MPPED1: variants seen among roughly 807,000 people sequenced by gnomAD.
MPPED1 encodes metallophosphoesterase domain-containing protein 1.
A neutral mutation model predicts 36.2 loss-of-function variants in MPPED1; 16 were observed. The observed-to-expected ratio is 0.44, with a 90% CI of 0.30 to 0.67. MPPED1 has a LOEUF of 0.67. MPPED1 is among the 30% of genes least tolerant of loss of function. MPPED1 has a pLI of 0.10. For synonymous variants in MPPED1, 199 were observed against 191.3 expected, an observed-to-expected ratio of 1.04 and a Z score of -0.33; for missense variants, 307 against 453.4, an observed-to-expected ratio of 0.68 and a Z score of 2.93.
chr22:43,456,775 C>T (rs546637733), intron 3 of MPPED1, among the ~76,000 whole-genome samples: 6 of 152,284 alleles, frequency 3.9e-5, no homozygotes, highest in South Asian at 2.1e-4. Context: ...GGATTACAGG[C>T]GTGAGCCACC....
Position 43,488,228 on chromosome 22 carries a change from T to C in MPPED1, c.633-10007T>C, listed in dbSNP as rs1041981915. On this transcript the variant is annotated intron_variant, in intron 4 of 6. Transcript: ENST00000443721. The stretch of plus-strand genomic sequence containing the variant: ...TCATGCCCCGGCCCGGGTGTGCCTG[T>C]GTGCTCAGCACTTCCCAGGGCCCCC... Among the ~76,000 whole-genome samples the C allele has an allele frequency of 4.6e-5, 7 of 152,096 alleles. No homozygotes were observed. In the South Asian group the frequency reaches 1.4e-3, roughly 32 times the overall value.
At position 43,506,596 on chromosome 22, in the gene MPPED1, A is replaced by G. The variant is rs1460708752; in HGVS notation, c.*980A>G. ...GTGCGGCTTCCCTTGCACCGTTAGG[A>G]TTCTGTCTGGCATGCCTGCAGCCGA... On this transcript the variant is annotated 3_prime_UTR_variant, in exon 7 of 7. Coordinates refer to ENST00000443721, the MANE Select transcript of MPPED1 (RefSeq NM_001044370.2). 2.0e-5 allele frequency: 3 copies of G among 152,156 alleles called. No homozygotes were observed. Among genetic ancestry groups the G allele is most frequent in the African/African-American group, 7.2e-5 (3 of 41,422 alleles). The allele number at this position is 152,156 out of a possible 1,614,324, so 9.4% of individuals were successfully genotyped here.
chr22:43,498,707 C>G (rs1932511155), intron 5 of MPPED1, among the ~76,000 whole-genome samples: 2 of 152,168 alleles, frequency 1.3e-5, no homozygotes, highest in Admixed American at 1.3e-4. Context: ...AGCCCTAACT[C>G]CCTCAGAAAC....
At chr22:43,462,993 C>G (rs1174503564) in intron 3 of MPPED1, among the ~76,000 whole-genome samples, 2 of 152,150 alleles carry the variant, frequency 1.3e-5, no homozygotes, top group African/African-American at 2.4e-5. Flanking sequence ...TTATTCTGTC[C>G]TGTCTTAACT....
At chr22:43,434,903 C>T (rs1929897627) in intron 2 of MPPED1, 131 bp from the exon 3 acceptor site, 6 of 977,892 alleles carry the variant, frequency 6.1e-6, no homozygotes, top group Admixed American at 2.4e-5. Context: ...GCTGGGCGTC[C>T]AGTCCCTGGT....
chr22:43,503,032 C>T (rs1396936827), intron 6 of MPPED1, among the ~76,000 whole-genome samples: 3 of 152,098 alleles, frequency 2.0e-5, no homozygotes, highest in Non-Finnish European at 2.9e-5. Flanking sequence ...CCTGGGAAGC[C>T]GTCGGGAGGT....
At chr22:43,505,374 A>T (rs1932787590) in intron 6 of MPPED1, 124 bp from the exon 7 acceptor site, 1 of 717,570 alleles carries the variant, frequency 1.4e-6, no homozygotes, top group Non-Finnish European at 2.4e-6. Flanking sequence ...TGACCTCGAG[A>T]GTTTACCAGC....
chr22:43,421,414 C>T (rs765419090), intron 1 of MPPED1, among the ~76,000 whole-genome samples: 9 of 152,370 alleles, frequency 5.9e-5, no homozygotes, highest in Non-Finnish European at 1.3e-4. Context: ...CTGCCTTTCC[C>T]GGCTGAGTCC....
Position 43,474,750 on chromosome 22 carries a change from G to A in MPPED1, c.421G>A (p.Glu141Lys). The change falls in exon 4 of 7, where the codon GAG (glutamate) becomes AAG (lysine). Residue 141 changes from glutamate to lysine, a missense_variant. This residue lies in a region of MPPED1 where 169 missense variants were observed against 212.3 expected (regional missense o/e 0.80). Coordinates refer to ENST00000443721, the MANE Select transcript of MPPED1 (RefSeq NM_001044370.2). This position sits in a 1 kb window ranked among gnomAD's most constrained non-coding sequence, Gnocchi z 5.2. The part of the protein sequence containing the change: ...FNEWLGSLPY[E>K]YKIVIAGNHE... ...CACCCCTGCAGGCAGCCTGCCCTAC[G>A]AGTACAAGATCGTGATCGCAGGCAA... is the stretch of plus-strand genomic sequence containing the variant. 6 of 1,613,996 alleles carry A rather than the reference G, an allele frequency of 3.7e-6. No homozygotes were observed. Among genetic ancestry groups the A allele is most frequent in the Non-Finnish European group, 5.1e-6 (6 of 1,179,888 alleles).
In MPPED1 at chr22:43,437,984, A is replaced by C. The variant is rs200617000; in HGVS notation, c.406+2769A>C. Among the ~76,000 whole-genome samples the C allele has an allele frequency of 4.6e-5, 7 of 152,272 alleles. No homozygotes were observed. In the East Asian group the frequency reaches 1.4e-3, roughly 29 times the overall value. On this transcript the variant is annotated intron_variant, in intron 3 of 6. Transcript: ENST00000443721. ...CTCAGCTAGCAACCGCCCTCCCAAC[A>C]GCAGACACAGAGAAAAAGAGACTGG...
chr22:43,500,375 G>GGTGGTGGTGATGGTGATGGAGGTGGTA (rs1932684346), intron 5 of MPPED1, among the ~76,000 whole-genome samples: 2 of 151,276 alleles, frequency 1.3e-5, no homozygotes, highest in Non-Finnish European at 3.0e-5. Flanking sequence ...TGATGGGGGT[G>GGTGGTGGTGATGGTGATGGAGGTGGTA]GTGGTGGTGA....
chr22:43,423,570 TATTTATTTCACCTTCTAGGGAGATG>T (rs1433314366), intron 1 of MPPED1, among the ~76,000 whole-genome samples: 1 of 152,218 alleles, frequency 6.6e-6, no homozygotes, highest in African/African-American at 2.4e-5. Context: ...AGGATATTGC[TATTTATTTCACCTTCTAGGGAGATG>T]ATCAAGATTT....
intron 2 of MPPED1, among the ~76,000 whole-genome samples, chr22:43,431,897 T>A (rs1929700324): frequency 6.6e-6 from 1 of 152,230 alleles, no homozygotes; most frequent in South Asian, 2.1e-4. Context: ...GCCTCTTCGC[T>A]GTGCTCCAGA....
rs560167319 is a variant in MPPED1 at position 43,445,513 on chromosome 22, C to T, written c.406+10298C>T. 5.7e-4 allele frequency among the ~76,000 whole-genome samples: 86 copies of T among 152,004 alleles called. No individual in the cohort carries two copies. The South Asian group carries it at 1.0e-2, about 18-fold the overall frequency. On this transcript the variant is annotated intron_variant, in intron 3 of 6. Transcript: ENST00000443721. ...AACCTGAGGACACACGTACCCTGCC[C>T]CCTCTTGCTGCCATCTTATCTATAT...
chr22:43,465,843 G>A (rs73428338), intron 3 of MPPED1, among the ~76,000 whole-genome samples: 6,644 of 152,258 alleles, frequency 0.044, 491 homozygotes, highest in African/African-American at 0.15. Flanking sequence ...GGTTGGACGA[G>A]GAGGGCTGAG....
chr22:43,440,525 C>G (rs1930114213), intron 3 of MPPED1, among the ~76,000 whole-genome samples: 1 of 152,220 alleles, frequency 6.6e-6, no homozygotes, highest in Non-Finnish European at 1.5e-5. Flanking sequence ...TTTCCCAAGG[C>G]AAGAATGCCA....
In MPPED1 at chr22:43,424,928, G is replaced by A; in HGVS notation, c.-58G>A. 1.3e-6 allele frequency: 2 copies of A among 1,540,068 alleles called. No individual in the cohort carries two copies. The highest frequency in any genetic ancestry group is 8.7e-7 in the Non-Finnish European group (1 of 1,144,980). On this transcript the variant is annotated 5_prime_UTR_variant, in exon 2 of 7. Transcript: ENST00000443721. ...CTCAGTCTGTTTCCAGGTCTGGCGG[G>A]GGGCCGGGCTGCGGTGGCGGCAGCG...
At chr22:43,418,369 T>C (rs1400330919) in intron 1 of MPPED1, 1 of 347,398 alleles carries the variant, frequency 2.9e-6, no homozygotes, top group Non-Finnish European at 5.7e-6. Flanking sequence ...GCTCCTCTGG[T>C]AGTGCAATCC....
chr22:43,500,410 TGATGGA>T (rs1932691458), intron 5 of MPPED1, among the ~76,000 whole-genome samples: 1 of 142,772 alleles, frequency 7.0e-6, no homozygotes, highest in Non-Finnish European at 1.6e-5. Context: ...GTAGTGGTGG[TGATGGA>T]GGTGGTAATG....
Sources: gnomAD v4.1 joint callset for allele counts (sites outside exome capture counted in the v4.1 genomes callset) on GRCh38, gnomAD v4.1.1 for gene constraint, gnomAD v4.1.1 regional missense constraint, Gnocchi (gnomAD v3.1) non-coding constraint, MANE v1.5 for transcripts, NCBI Gene and HGNC (gene_info 2026-07-23, HGNC 2026-07-21) for gene names.